The following ADAMTS12 variants were observed in gnomAD, a reference collection of about 807,000 sequenced individuals.
ADAMTS12 encodes the protein ADAM metallopeptidase with thrombospondin type 1 motif 12, also known as A disintegrin and metalloproteinase with thrombospondin motifs 12.
Under a neutral mutation model 167.8 loss-of-function variants are expected in ADAMTS12, and 118 were observed. That is an observed-to-expected ratio of 0.70 (90% CI 0.61 to 0.82). The LOEUF (loss-of-function observed/expected upper bound fraction) is 0.82. ADAMTS12 is among the 40% of genes least tolerant of loss of function. The pLI is 0.00. For synonymous variants in ADAMTS12, 704 were observed against 716.9 expected (o/e 0.98, Z 0.29); for missense variants, 1,916 against 1,998.8 (o/e 0.96, Z 0.79).
intron 2 of ADAMTS12, among the ~76,000 whole-genome samples, chr5:33,832,017 C>T (rs940370130): frequency 6.6e-6 from 1 of 152,170 alleles, no homozygotes; most frequent in African/African-American, 2.4e-5. Context: ...CAAGCACAGC[C>T]CCTTCTCTTC....
chr5:33,550,361 T>G (rs1405101142), intron 20 of ADAMTS12, among the ~76,000 whole-genome samples: 1 of 152,238 alleles, frequency 6.6e-6, no homozygotes, highest in East Asian at 1.9e-4. Flanking sequence ...GTGCTTGCCA[T>G]AGGCCTTCTG....
At position 33,576,477 on chromosome 5, in the gene ADAMTS12, A is replaced by T; in HGVS notation, c.3549T>A (p.Pro1183=). The change falls in exon 19 of 24, where the codon CCT becomes CCA. Residue 1183 remains proline, a synonymous_variant. Transcript: ENST00000504830. ...NPVIWTKIRV[P]GNDAPVESTE... is the part of the protein sequence containing the mutation. ...TACTTTCCACTGGAGCGTCATTTCC[A>T]GGTACTCTGATCTTGGTCCATATTA... The T allele has an allele frequency of 6.2e-7, 1 of 1,608,254 alleles. No individual in the cohort carries two copies. Among genetic ancestry groups the T allele is most frequent in the Non-Finnish European group, 8.5e-7 (1 of 1,177,170 alleles).
rs545278977 is a variant in ADAMTS12 at position 33,730,267 on chromosome 5, T to TTA, written c.634+21135_634+21136dup. Among the ~76,000 whole-genome samples, 203 of 150,146 alleles carry TTA rather than the reference T, an allele frequency of 1.4e-3. 1 individual carries two copies. Among genetic ancestry groups the TTA allele is most frequent in the South Asian group, 3.8e-3 (18 of 4,740 alleles). On this transcript the variant is annotated intron_variant, in intron 3 of 23. Coordinates refer to ENST00000504830, the MANE Select transcript of ADAMTS12 (RefSeq NM_030955.4). ...ACTATTGTATAAGGTGCTGGTGCTA[T>TTA]TATGAGATCAGAGTCCATTAGGGTG...
intron 2 of ADAMTS12, among the ~76,000 whole-genome samples, chr5:33,764,385 G>A (rs994763253): frequency 6.6e-6 from 1 of 152,132 alleles, no homozygotes; most frequent in Non-Finnish European, 1.5e-5. Context: ...GTGCCACTAA[G>A]ATTTCTCTTC....
rs114213359 is a variant in ADAMTS12 at position 33,735,387 on chromosome 5, C to T, written c.634+16017G>A. On this transcript the variant is annotated intron_variant, in intron 3 of 23. Transcript: ENST00000504830. ...AGACCAGGGATCAGCAAGTTTTTATCACTATTAAAGGGCCAGATAGTAAAT... is the reference window on the plus strand; with the variant it reads ...AGACCAGGGATCAGCAAGTTTTTATTACTATTAAAGGGCCAGATAGTAAAT... Among the ~76,000 whole-genome samples, 1,148 of 152,206 alleles carry T rather than the reference C, an allele frequency of 7.5e-3. 19 individuals are homozygous for T. The highest frequency in any genetic ancestry group is 0.026 in the African/African-American group (1,097 of 41,522).
chr5:33,569,115 C>T (rs1186784624), intron 19 of ADAMTS12, among the ~76,000 whole-genome samples: 2 of 152,272 alleles, frequency 1.3e-5, no homozygotes, highest in African/African-American at 2.4e-5. Context: ...GTGGAGCCCA[C>T]CACAGCTCAA....
intron 2 of ADAMTS12, among the ~76,000 whole-genome samples, chr5:33,841,081 C>G (rs1301419547): frequency 1.3e-5 from 2 of 152,150 alleles, no homozygotes; most frequent in Admixed American, 6.5e-5. Context: ...CTTGTCCCCC[C>G]AGTCTGTGTG....
In ADAMTS12 at chr5:33,534,925, T is replaced by G. The variant is rs758958823; in HGVS notation, c.4514A>C (p.Lys1505Thr). 6.2e-7 allele frequency: 1 copy of G among 1,614,096 alleles called. No individual in the cohort carries two copies. Among genetic ancestry groups the G allele is most frequent in the Admixed American group, 1.7e-5 (1 of 60,000 alleles). ...TAGACATTGGTCTTGGTCTTCAGTT[T>G]TATTGCCCTCTGAGGGCACACATTG... The part of the protein sequence containing the change: ...TVQCVPSEGN[K>T]TEDQDQCLCD... Residue 1505 changes from lysine to threonine, a missense_variant, in exon 23 of 24, where the codon AAA becomes ACA. Coordinates refer to ENST00000504830, the MANE Select transcript of ADAMTS12 (RefSeq NM_030955.4).
chr5:33,870,818 GCTTTCTCTTCCCCCTTCT>G (rs1750013153), intron 2 of ADAMTS12, among the ~76,000 whole-genome samples: 1 of 152,166 alleles, frequency 6.6e-6, no homozygotes, highest in East Asian at 1.9e-4. Flanking sequence ...CTACCCCTTC[GCTTTCTCTTCCCCCTTCT>G]CTGGCTATAT....
intron 2 of ADAMTS12, among the ~76,000 whole-genome samples, chr5:33,753,125 C>T (rs1020442205): frequency 4.6e-5 from 7 of 152,190 alleles, no homozygotes; most frequent in African/African-American, 1.4e-4. Flanking sequence ...GGGGCAACGC[C>T]TACTACCTCA....
intron 17 of ADAMTS12, among the ~76,000 whole-genome samples, chr5:33,592,177 C>T (rs1232787161): frequency 2.0e-5 from 3 of 151,766 alleles, no homozygotes; most frequent in Admixed American, 6.6e-5. Context: ...TGCGGTGAGC[C>T]GAGATTGCGC....
Position 33,769,558 on chromosome 5 carries a change from A to G in ADAMTS12, c.490-18010T>C, listed in dbSNP as rs187696563. On this transcript the variant is annotated intron_variant, in intron 2 of 23. Coordinates refer to ENST00000504830, the MANE Select transcript of ADAMTS12 (RefSeq NM_030955.4). ...TCACTTACATCAATTACAGGCAGTG[A>G]TGTTGTGAGTCCATCTCAGCCCCAA... is the stretch of plus-strand genomic sequence containing the variant. Among the ~76,000 whole-genome samples the G allele has an allele frequency of 2.0e-3, 301 of 152,324 alleles. 2 individuals carry two copies. Among genetic ancestry groups the G allele is most frequent in the Non-Finnish European group, 5.3e-4 (36 of 68,038 alleles).
At chr5:33,655,185 T>C (rs1477671320) in intron 7 of ADAMTS12, among the ~76,000 whole-genome samples, 1 of 152,172 alleles carries the variant, frequency 6.6e-6, no homozygotes, top group Admixed American at 6.6e-5. Flanking sequence ...GAGTAAGTTA[T>C]TGGTAACAGA....
intron 16 of ADAMTS12, among the ~76,000 whole-genome samples, chr5:33,608,598 C>T (rs1261247694): frequency 6.6e-6 from 1 of 152,100 alleles, no homozygotes; most frequent in Non-Finnish European, 1.5e-5. Flanking sequence ...AGAGAAGCCA[C>T]AATGAACCCA....
intron 16 of ADAMTS12, among the ~76,000 whole-genome samples, chr5:33,608,440 T>A (rs958744243): frequency 1.3e-5 from 2 of 152,184 alleles, no homozygotes; most frequent in Non-Finnish European, 2.9e-5. Flanking sequence ...TTTTTACAGA[T>A]GTGCTTACAA....
Position 33,576,044 on chromosome 5 carries a change from A to C in ADAMTS12, c.3972+10T>G, listed in dbSNP as rs1187746189. 1 of 1,601,658 alleles carries C rather than the reference A, an allele frequency of 6.2e-7. No individual in the cohort carries two copies. The highest frequency in any genetic ancestry group is 2.2e-5 in the East Asian group (1 of 44,664). Reference sequence around the variant, plus strand: ...ATGTAAAACCAGGCCAGGGGTAGGAAATGTCTTACCTCGCTCCAGTTTCCG... The same window carrying C: ...ATGTAAAACCAGGCCAGGGGTAGGACATGTCTTACCTCGCTCCAGTTTCCG... On this transcript the variant is annotated intron_variant, in intron 19 of 23. Coordinates refer to ENST00000504830, the MANE Select transcript of ADAMTS12 (RefSeq NM_030955.4).
chr5:33,579,900 G>A (rs1746970411), intron 18 of ADAMTS12, among the ~76,000 whole-genome samples: 1 of 152,234 alleles, frequency 6.6e-6, no homozygotes. Flanking sequence ...AATTTCTACT[G>A]CCCTTGTGGG....
chr5:33,580,550 AC>A (rs2111980180), intron 18 of ADAMTS12, among the ~76,000 whole-genome samples: 1 of 152,326 alleles, frequency 6.6e-6, no homozygotes, highest in South Asian at 2.1e-4. Flanking sequence ...CATTTCAGCT[AC>A]CTAGCTGGTT....
intron 2 of ADAMTS12, among the ~76,000 whole-genome samples, chr5:33,794,836 T>A (rs184532383): frequency 2.6e-5 from 4 of 152,210 alleles, no homozygotes; most frequent in African/African-American, 9.6e-5. Flanking sequence ...AGTGGTATGA[T>A]CTCCAGCACT....
Sources: allele counts gnomAD v4.1 joint callset (sites outside exome capture counted in the v4.1 genomes callset), GRCh38; gene constraint gnomAD v4.1.1; transcripts MANE v1.5; gene names NCBI Gene and HGNC (gene_info 2026-07-23, HGNC 2026-07-21).